The following ERGIC1 variants were observed in gnomAD, a reference collection of about 807,000 sequenced individuals.
ERGIC1 encodes the protein endoplasmic reticulum-Golgi intermediate compartment protein 1.
A neutral mutation model predicts 38.3 loss-of-function variants in ERGIC1; 19 were observed. That is an observed-to-expected ratio of 0.50 (90% CI 0.35 to 0.73). The LOEUF is 0.73. Ranked by LOEUF, ERGIC1 falls within the 30% of genes least tolerant of loss-of-function variation. The pLI is 0.01. For missense variants in ERGIC1, 294 were observed against 389.2 expected, an observed-to-expected ratio of 0.76 and a Z score of 2.06; for synonymous variants, 124 against 157.6, an observed-to-expected ratio of 0.79 and a Z score of 1.60.
intron 5 of ERGIC1, among the ~76,000 whole-genome samples, chr5:172,922,888 G>A (rs1032686205): frequency 6.6e-6 from 1 of 152,360 alleles, no homozygotes. Context: ...GAAGCTGGGA[G>A]CCCAGGGAGG....
intron 2 of ERGIC1, 147 bp downstream of exon 2, chr5:172,888,907 A>G: frequency 1.3e-6 from 1 of 763,204 alleles, no homozygotes; most frequent in Non-Finnish European, 2.3e-6. Flanking sequence ...GGGCCCTTCA[A>G]GCATTTCCTC....
chr5:172,892,193 T>A (rs946094929), intron 2 of ERGIC1, among the ~76,000 whole-genome samples: 21 of 150,906 alleles, frequency 1.4e-4, no homozygotes, highest in Admixed American at 1.3e-3. Context: ...AGGAAAGGCG[T>A]GAGGCATAGG....
chr5:172,894,401 G>A (rs1762670455), intron 2 of ERGIC1, among the ~76,000 whole-genome samples: 1 of 151,574 alleles, frequency 6.6e-6, no homozygotes, highest in Admixed American at 6.6e-5. Context: ...TCACCGTGTT[G>A]GTCAGGCTGG....
At chr5:172,859,428 C>T (rs1761641166) in intron 1 of ERGIC1, among the ~76,000 whole-genome samples, 1 of 152,110 alleles carries the variant, frequency 6.6e-6, no homozygotes, top group South Asian at 2.1e-4. Context: ...ACGGAAAAGG[C>T]CATATTCCAT....
At position 172,834,469 on chromosome 5, in the gene ERGIC1, TC is replaced by T; in HGVS notation, c.20+37del. On this transcript the variant is annotated intron_variant, in intron 1 of 9. Coordinates refer to ENST00000393784, the MANE Select transcript of ERGIC1 (RefSeq NM_001031711.3). The surrounding 1 kb of genome is among the most constrained non-coding windows in gnomAD (Gnocchi z 4.1). ...CGACCCCGGCCAGTCGGGAGTTCCC[TC>T]AGCGGGCAGAGGGAGCGCCCCGGCA... The T allele has an allele frequency of 7.7e-7, 1 of 1,303,014 alleles. No individual in the cohort carries two copies. The highest frequency in any genetic ancestry group is 4.0e-5 in the Admixed American group (1 of 24,840). 80.7% of individuals were successfully genotyped at this position (1,303,014 alleles called of 1,614,324 possible). A position where few individuals can be genotyped will look rare whatever the true frequency, so the allele number is the denominator to read the frequency against.
At chr5:172,893,144 C>A (rs1419910472) in intron 2 of ERGIC1, among the ~76,000 whole-genome samples, 1 of 152,102 alleles carries the variant, frequency 6.6e-6, no homozygotes, top group Non-Finnish European at 1.5e-5. Flanking sequence ...TGAACACATC[C>A]TGTTTTGTTT....
intron 1 of ERGIC1, among the ~76,000 whole-genome samples, chr5:172,857,117 C>T (rs1016690469): frequency 7.9e-5 from 12 of 152,184 alleles, no homozygotes; most frequent in African/African-American, 1.4e-4. Context: ...TCAAATAACA[C>T]GGTAAAGAGA....
intron 1 of ERGIC1, among the ~76,000 whole-genome samples, chr5:172,883,753 G>A (rs138341367): frequency 3.1e-3 from 475 of 152,282 alleles, no homozygotes; most frequent in African/African-American, 0.011. Context: ...AGGCCGAGGC[G>A]GGCAGATCGC....
chr5:172,845,381 G>T (rs1317274125), intron 1 of ERGIC1, among the ~76,000 whole-genome samples: 1 of 152,224 alleles, frequency 6.6e-6, no homozygotes, highest in Non-Finnish European at 1.5e-5. Context: ...AGCCAGGAAG[G>T]CGTGCAGCAC....
chr5:172,951,941 C>T lies in ERGIC1; in HGVS notation c.*1125C>T, dbSNP rs1477909050. 1 of 152,310 alleles carries T rather than the reference C, an allele frequency of 6.6e-6. No individual in the cohort carries two copies. Among genetic ancestry groups the T allele is most frequent in the Non-Finnish European group, 1.5e-5 (1 of 68,104 alleles). 9.4% of individuals were successfully genotyped at this position (152,310 alleles called of 1,614,324 possible). On this transcript the variant is annotated 3_prime_UTR_variant, in exon 10 of 10. Coordinates refer to ENST00000393784, the MANE Select transcript of ERGIC1 (RefSeq NM_001031711.3). ...ATCGTGGCCCACTTGACACTGTGCTCCTCCATCAGCTGGTCACATGCCAAC... is the reference window on the plus strand; with the variant it reads ...ATCGTGGCCCACTTGACACTGTGCTTCTCCATCAGCTGGTCACATGCCAAC...
chr5:172,905,239 G>A (rs1581560375), intron 3 of ERGIC1: 1 of 261,768 alleles, frequency 3.8e-6, no homozygotes, highest in East Asian at 8.4e-5. Context: ...GGCTGGGAAG[G>A]GAAGCCCAGG....
intron 7 of ERGIC1, among the ~76,000 whole-genome samples, chr5:172,928,176 G>A (rs1324360665): frequency 6.6e-6 from 1 of 152,204 alleles, no homozygotes; most frequent in East Asian, 1.9e-4. Context: ...CAGGAAAGAG[G>A]ATCAAGCTAA....
At chr5:172,943,957 G>GT (rs1764064310) in intron 9 of ERGIC1, among the ~76,000 whole-genome samples, 1 of 152,208 alleles carries the variant, frequency 6.6e-6, no homozygotes, top group African/African-American at 2.4e-5. Context: ...CCTTTTAAAG[G>GT]TAGACAAGCT....
intron 1 of ERGIC1, among the ~76,000 whole-genome samples, chr5:172,841,949 G>A (rs1761171888): frequency 6.6e-6 from 1 of 152,178 alleles, no homozygotes; most frequent in South Asian, 2.1e-4. Context: ...CCAGATACAG[G>A]ACAGCTCCAT....
rs943617989 is a variant in ERGIC1, at chr5:172,837,854, C to T, written c.20+3421C>T. ...CATCCGTGTGTGTTGTTTCGAGTTCCGGCTGGCCTGGGGCCAGTAGCACCT... is the reference window on the plus strand; with the variant it reads ...CATCCGTGTGTGTTGTTTCGAGTTCTGGCTGGCCTGGGGCCAGTAGCACCT... On this transcript the variant is annotated intron_variant, in intron 1 of 9. Coordinates refer to ENST00000393784, the MANE Select transcript of ERGIC1 (RefSeq NM_001031711.3). This position sits in a 1 kb window ranked among gnomAD's most constrained non-coding sequence, Gnocchi z 4.3. 6.6e-6 allele frequency among the ~76,000 whole-genome samples: 1 copy of T among 152,216 alleles called. No individual in the cohort carries two copies. Among genetic ancestry groups the T allele is most frequent in the Non-Finnish European group, 1.5e-5 (1 of 68,036 alleles).
chr5:172,884,227 G>A (rs537045722), intron 1 of ERGIC1, among the ~76,000 whole-genome samples: 1 of 147,226 alleles, frequency 6.8e-6, no homozygotes, highest in Non-Finnish European at 1.5e-5. Flanking sequence ...CTATTCTTCG[G>A]CCAGTGGGAA....
At chr5:172,858,786 T>G (rs775258912) in intron 1 of ERGIC1, among the ~76,000 whole-genome samples, 4 of 152,212 alleles carry the variant, frequency 2.6e-5, no homozygotes, top group Non-Finnish European at 5.9e-5. Flanking sequence ...AAAACAGGGC[T>G]GGGAGCTTGT....
chr5:172,944,359 C>A (rs914053722), intron 9 of ERGIC1, among the ~76,000 whole-genome samples: 9 of 151,372 alleles, frequency 5.9e-5, no homozygotes. Context: ...GATTAGTCTT[C>A]CTTTTTTTTT....
chr5:172,897,599 T>C (rs1232738177), intron 3 of ERGIC1, among the ~76,000 whole-genome samples: 1 of 152,192 alleles, frequency 6.6e-6, no homozygotes, highest in African/African-American at 2.4e-5. Flanking sequence ...GGGAACATTT[T>C]GGTTCCATTC....
Sources: gnomAD v4.1 joint callset for allele counts (sites outside exome capture counted in the v4.1 genomes callset) on GRCh38, gnomAD v4.1.1 for gene constraint, Gnocchi (gnomAD v3.1) non-coding constraint, MANE v1.5 for transcripts, NCBI Gene and HGNC (gene_info 2026-07-23, HGNC 2026-07-21) for gene names.